Variants in INPP4A observed in about 807,000 individuals in gnomAD.
INPP4A encodes the protein inositol polyphosphate-4-phosphatase, type I, 107kD.
In INPP4A, 33 loss-of-function variants were observed where a neutral mutation model predicts 119.8. The ratio of observed to expected loss-of-function variants is 0.28; its 90% CI spans 0.21 to 0.37. The LOEUF (loss-of-function observed/expected upper bound fraction) is 0.37, where lower values mean the gene tolerates loss of function less well. Ranked by LOEUF, INPP4A falls within the 10% of genes least tolerant of loss-of-function variation. The probability of loss-of-function intolerance (pLI) is 1.00; values close to 1 mark genes in which losing one functional copy is unlikely to be tolerated. For missense variants in INPP4A, 956 were observed against 1,289.9 expected, an observed-to-expected ratio of 0.74 and a Z score of 3.97; for synonymous variants, 496 against 500.7, an observed-to-expected ratio of 0.99 and a Z score of 0.12.
chr2:98,445,804 C>T (rs1228545491), intron 1 of INPP4A, among the ~76,000 whole-genome samples: 2 of 152,128 alleles, frequency 1.3e-5, no homozygotes, highest in African/African-American at 2.4e-5. Flanking sequence ...TTCTTCCTGC[C>T]CCGAGTTCAT....
At chr2:98,487,458 T>C (rs1679789005) in intron 1 of INPP4A, among the ~76,000 whole-genome samples, 1 of 152,200 alleles carries the variant, frequency 6.6e-6, no homozygotes, top group African/African-American at 2.4e-5. Flanking sequence ...TCTCAAACTC[T>C]TGGACTCAAG....
intron 1 of INPP4A, among the ~76,000 whole-genome samples, chr2:98,447,281 A>G (rs139113441): frequency 6.6e-6 from 1 of 152,330 alleles, no homozygotes; most frequent in Non-Finnish European, 1.5e-5. Context: ...AATAGCACAA[A>G]TCTGCAGCGA....
At chr2:98,560,613 T>A (rs1489695250) in intron 17 of INPP4A, among the ~76,000 whole-genome samples, 1 of 152,248 alleles carries the variant, frequency 6.6e-6, no homozygotes, top group Non-Finnish European at 1.5e-5. Flanking sequence ...TCAAGGTTAC[T>A]GAGGCCTTGG....
intron 17 of INPP4A, 37 bp from the exon 18 acceptor site, chr2:98,563,428 C>T (rs760238641): frequency 6.3e-7 from 1 of 1,580,928 alleles, no homozygotes; most frequent in African/African-American, 1.4e-5. Flanking sequence ...CTTAAAATCT[C>T]TCTCTCATTG....
At chr2:98,548,215 G>A (rs1260695236) in intron 13 of INPP4A, among the ~76,000 whole-genome samples, 1 of 152,156 alleles carries the variant, frequency 6.6e-6, no homozygotes, top group Non-Finnish European at 1.5e-5. Flanking sequence ...GGTGAGTCCC[G>A]GAGGGAGGAG....
chr2:98,505,311 C>T (rs563215667), intron 1 of INPP4A, among the ~76,000 whole-genome samples: 5 of 152,176 alleles, frequency 3.3e-5, no homozygotes, highest in African/African-American at 4.8e-5. Flanking sequence ...AAGTACTGGG[C>T]GAGCCTTTGG....
At chr2:98,580,213 T>G (rs1699089455) in intron 24 of INPP4A, among the ~76,000 whole-genome samples, 1 of 147,328 alleles carries the variant, frequency 6.8e-6, no homozygotes, top group Admixed American at 6.8e-5. Context: ...CTTTCTGGCT[T>G]GCATCTTATC....
intron 1 of INPP4A, among the ~76,000 whole-genome samples, chr2:98,464,638 G>A (rs776676213): frequency 2.0e-5 from 3 of 152,192 alleles, no homozygotes; most frequent in Non-Finnish European, 4.4e-5. Context: ...CAGTTGCAAG[G>A]CCTGTGGCTG....
At chr2:98,466,785 C>T (rs891010052) in intron 1 of INPP4A, among the ~76,000 whole-genome samples, 3 of 152,150 alleles carry the variant, frequency 2.0e-5, no homozygotes, top group Admixed American at 1.3e-4. Flanking sequence ...ATTTCCATCT[C>T]GTTTTCTTTA....
At chr2:98,505,281 T>G (rs1269044336) in intron 1 of INPP4A, among the ~76,000 whole-genome samples, 1 of 152,190 alleles carries the variant, frequency 6.6e-6, no homozygotes, top group Non-Finnish European at 1.5e-5. Flanking sequence ...AGGGTGCACT[T>G]TGCCTTTAGG....
chr2:98,471,190 A>ATG (rs1448005406), intron 1 of INPP4A, among the ~76,000 whole-genome samples: 1 of 152,132 alleles, frequency 6.6e-6, no homozygotes, highest in African/African-American at 2.4e-5. Flanking sequence ...GCGTGCATGC[A>ATG]TGTGTGTGTC....
At chr2:98,511,386 C>G (rs1685098965) in intron 1 of INPP4A, among the ~76,000 whole-genome samples, 1 of 152,132 alleles carries the variant, frequency 6.6e-6, no homozygotes, top group South Asian at 2.1e-4. Flanking sequence ...GTATTTAAGC[C>G]CTAGCAGCGT....
At chr2:98,516,959 T>C (rs1207400651) in intron 1 of INPP4A, among the ~76,000 whole-genome samples, 1 of 152,116 alleles carries the variant, frequency 6.6e-6, no homozygotes, top group African/African-American at 2.4e-5. Flanking sequence ...TTTTTAATGC[T>C]ATGTTGTCTT....
At chr2:98,559,119 A>C (rs947898617) in intron 16 of INPP4A, among the ~76,000 whole-genome samples, 1 of 152,208 alleles carries the variant, frequency 6.6e-6, no homozygotes, top group Non-Finnish European at 1.5e-5. Flanking sequence ...CTGCCACTAC[A>C]ATGTGATTTA....
At chr2:98,547,632 A>T (rs1692707020) in intron 13 of INPP4A, among the ~76,000 whole-genome samples, 1 of 152,042 alleles carries the variant, frequency 6.6e-6, no homozygotes, top group African/African-American at 2.4e-5. Context: ...TGGTTTAGGG[A>T]GAATAATTAT....
chr2:98,547,290 C>T (rs1211116001), intron 13 of INPP4A, among the ~76,000 whole-genome samples: 1 of 152,164 alleles, frequency 6.6e-6, no homozygotes, highest in African/African-American at 2.4e-5. Context: ...TTACAGCCCC[C>T]AGCAGATCTA....
At chr2:98,495,804 C>G (rs1041111085) in intron 1 of INPP4A, among the ~76,000 whole-genome samples, 1 of 151,510 alleles carries the variant, frequency 6.6e-6, no homozygotes, top group Non-Finnish European at 1.5e-5. Flanking sequence ...AGCTCTTATA[C>G]GACCTAAAAT....
intron 19 of INPP4A, among the ~76,000 whole-genome samples, chr2:98,565,017 C>G (rs910982777): frequency 2.6e-5 from 4 of 152,230 alleles, no homozygotes; most frequent in African/African-American, 9.6e-5. Flanking sequence ...TCCTGAAACA[C>G]CAGTGCAGCA....
At chr2:98,466,041 GT>G (rs538969693) in intron 1 of INPP4A, among the ~76,000 whole-genome samples, 3 of 151,848 alleles carry the variant, frequency 2.0e-5, no homozygotes, top group Non-Finnish European at 4.4e-5. Flanking sequence ...GTTTTGTTTT[GT>G]TTTTTGTTTT....
Sources: gnomAD v4.1 joint callset for allele counts (sites outside exome capture counted in the v4.1 genomes callset) on GRCh38, gnomAD v4.1.1 for gene constraint, MANE v1.5 for transcripts, NCBI Gene and HGNC (gene_info 2026-07-23, HGNC 2026-07-21) for gene names.